The following ITPR3 variants were observed in gnomAD, a reference collection of about 807,000 sequenced individuals.
ITPR3 encodes the protein inositol 1,4,5-trisphosphate receptor type 3.
A neutral mutation model predicts 293.2 loss-of-function variants in ITPR3; 173 were observed. The ratio of observed to expected loss-of-function variants is 0.59; its 90% CI spans 0.52 to 0.67. The LOEUF (loss-of-function observed/expected upper bound fraction) is 0.67, where lower values mean the gene tolerates loss of function less well. Ranked by LOEUF, ITPR3 falls within the 30% of genes least tolerant of loss-of-function variation. The pLI, the probability that ITPR3 is intolerant of heterozygous loss-of-function variation, is 0.00. For synonymous variants in ITPR3, 1,295 were observed against 1,444.4 expected (o/e 0.90, Z 2.35); for missense variants, 2,796 against 3,592.1 (o/e 0.78, Z 5.66).
At position 33,688,323 on chromosome 6, in the gene ITPR3, C is replaced by CG; in HGVS notation, c.6462dup (p.Leu2155AlafsTer6). 6.2e-7 allele frequency: 1 copy of CG among 1,614,132 alleles called. No individual in the cohort carries two copies. The highest frequency in any genetic ancestry group is 8.5e-7 in the Non-Finnish European group (1 of 1,180,006). ...GTTCCTGACGGAGGAAACCAAGCAC[C>CG]GGCTCTTCACCACTACTGAGCAGGA... On this transcript the variant is annotated frameshift_variant, in exon 48 of 58. Transcript: ENST00000605930. LOFTEE classifies it high-confidence loss of function.
intron 56 of ITPR3, chr6:33,694,711 G>GTC (rs1218089726): frequency 1.7e-6 from 1 of 589,758 alleles, no homozygotes; most frequent in East Asian, 3.0e-5. Flanking sequence ...AAGTCAGCCT[G>GTC]TCTCGGTGGC....
chr6:33,694,557 G>A lies in ITPR3; in HGVS notation c.7786-367G>A, dbSNP rs564641234. 2.0e-3 allele frequency: 538 copies of A among 263,404 alleles called. 6 individuals are homozygous for A. The highest frequency in any genetic ancestry group is 0.011 in the African/African-American group (456 of 43,024). 16.3% of individuals were successfully genotyped at this position (263,404 alleles called of 1,614,324 possible). On this transcript the variant is annotated intron_variant, in intron 56 of 57. Transcript: ENST00000605930. ...CGTGGGGCGTGCTTGTCAGGCAGGCGGGCGGGAGGAAGGAAGGAAGGAGAT... is the reference window on the plus strand; with the variant it reads ...CGTGGGGCGTGCTTGTCAGGCAGGCAGGCGGGAGGAAGGAAGGAAGGAGAT...
rs1765270358 is a variant in ITPR3 at position 33,687,609 on chromosome 6, C to A, written c.6264+45C>A. On this transcript the variant is annotated intron_variant, in intron 46 of 57. Coordinates refer to ENST00000605930, the MANE Select transcript of ITPR3 (RefSeq NM_002224.4). This position sits in a 1 kb window ranked among gnomAD's most constrained non-coding sequence, Gnocchi z 5.3. ...CTGGGGTGGGGGTGGGGCCTGGAAC[C>A]CAGGGAGGACACTTGACCCAAGGGC... The A allele has an allele frequency of 6.8e-7, 1 of 1,464,478 alleles. No individual in the cohort carries two copies. Among genetic ancestry groups the A allele is most frequent in the African/African-American group, 1.4e-5 (1 of 72,624 alleles). The allele number at this position is 1,464,478 out of a possible 1,614,324, so 90.7% of individuals were successfully genotyped here.
At chr6:33,627,929 G>T (rs1490065667) in intron 1 of ITPR3, among the ~76,000 whole-genome samples, 1 of 152,232 alleles carries the variant, frequency 6.6e-6, no homozygotes, top group Non-Finnish European at 1.5e-5. Flanking sequence ...TCCACCTTGA[G>T]ACTCCAGGGT....
In ITPR3 at chr6:33,684,052, GC is replaced by G; in HGVS notation, c.4825del (p.Leu1609TrpfsTer39). 6.2e-7 allele frequency: 1 copy of G among 1,611,126 alleles called. No homozygotes were observed. On this transcript the variant is annotated frameshift_variant, in exon 36 of 58. Transcript: ENST00000605930. LOFTEE classifies it high-confidence loss of function. The surrounding 1 kb of genome is among the most constrained non-coding windows in gnomAD (Gnocchi z 4.2). Reference sequence around the variant, plus strand: ...TCACAGCCCTGGAGGAGCGGCTGAAGCCCCTGGTACAGGCTGAGCTGTCCGT... The same window carrying G: ...TCACAGCCCTGGAGGAGCGGCTGAAGCCCTGGTACAGGCTGAGCTGTCCGT... ...IITALEERLK[P>X]LVQAELSVLV... is the part of the protein sequence containing the mutation.
In ITPR3 at chr6:33,670,898, G is replaced by T. The variant is rs1432897301; in HGVS notation, c.2586+83G>T. 1 of 1,525,848 alleles carries T rather than the reference G, an allele frequency of 6.6e-7. No homozygotes were observed. The highest frequency in any genetic ancestry group is 1.4e-5 in the African/African-American group (1 of 73,144). 94.5% of individuals were successfully genotyped at this position (1,525,848 alleles called of 1,614,324 possible). A position where few individuals can be genotyped will look rare whatever the true frequency, so the allele number is the denominator to read the frequency against. ...TGGCCTCGGTCTTCACCCAGGAGTC[G>T]GCTGTGGGATCCATGACCCCACTTC... On this transcript the variant is annotated intron_variant, in intron 20 of 57. Coordinates refer to ENST00000605930, the MANE Select transcript of ITPR3 (RefSeq NM_002224.4). The surrounding 1 kb of genome is among the most constrained non-coding windows in gnomAD (Gnocchi z 6.7).
At position 33,633,957 on chromosome 6, in the gene ITPR3, G is replaced by A. The variant is rs903178253; in HGVS notation, c.90-6527G>A. On this transcript the variant is annotated intron_variant, in intron 1 of 57. Coordinates refer to ENST00000605930, the MANE Select transcript of ITPR3 (RefSeq NM_002224.4). This position sits in a 1 kb window ranked among gnomAD's most constrained non-coding sequence, Gnocchi z 5.2. Reference sequence around the variant, plus strand: ...GATGGGGAGGTCGCGGCCTCGCCCGGTGAGGCTCCCTCTCCATGCAAACTT... The same window carrying A: ...GATGGGGAGGTCGCGGCCTCGCCCGATGAGGCTCCCTCTCCATGCAAACTT... Among the ~76,000 whole-genome samples, 1 of 152,034 alleles carries A rather than the reference G, an allele frequency of 6.6e-6. No homozygotes were observed. The highest frequency in any genetic ancestry group is 2.4e-5 in the African/African-American group (1 of 41,446).
chr6:33,684,277 TC>T lies in ITPR3; in HGVS notation c.4938-78del, dbSNP rs539269331. 597 of 1,594,546 alleles carry T rather than the reference TC, an allele frequency of 3.7e-4. 2 individuals carry two copies. Among genetic ancestry groups the T allele is most frequent in the Middle Eastern group, 2.4e-3 (13 of 5,496 alleles). ...ACTGGGTCAGAGGGCCTGGGGGTGT[TC>T]CTGCCTGGGATGGGGTGGGGAAGTA... On this transcript the variant is annotated intron_variant, in intron 36 of 57. Transcript: ENST00000605930. The surrounding 1 kb of genome is among the most constrained non-coding windows in gnomAD (Gnocchi z 4.2).
At chr6:33,677,209 T>C in intron 27 of ITPR3, 120 bp downstream of exon 27, 1 of 940,352 alleles carries the variant, frequency 1.1e-6, no homozygotes, top group Non-Finnish European at 1.7e-6. Flanking sequence ...AAGAGACATC[T>C]TTCAGCCTTT....
chr6:33,640,459 C>T, intron 1 of ITPR3, 25 bp from the exon 2 acceptor site: 5 of 1,609,358 alleles, frequency 3.1e-6, no homozygotes, highest in Non-Finnish European at 4.2e-6. Flanking sequence ...TTCTCTCCTG[C>T]TGACCGAGCT....
At chr6:33,623,758 C>T (rs763527253) in intron 1 of ITPR3, among the ~76,000 whole-genome samples, 1 of 152,232 alleles carries the variant, frequency 6.6e-6, no homozygotes, top group Non-Finnish European at 1.5e-5. Flanking sequence ...GCCCCAGGAA[C>T]TGCTTCCTCC....
Position 33,687,001 on chromosome 6 carries a change from C to T in ITPR3, c.5980-8C>T. The T allele has an allele frequency of 6.2e-7, 1 of 1,611,910 alleles. No homozygotes were observed. Among genetic ancestry groups the T allele is most frequent in the African/African-American group, 1.3e-5 (1 of 74,950 alleles). ...CTGTGGCCTGCCTCCCTCTGCCCCT[C>T]CACCCAGGACAATGCCTCCAAGCTG... On this transcript the variant is annotated splice_polypyrimidine_tract_variant and splice_region_variant and intron_variant, in intron 43 of 57. Coordinates refer to ENST00000605930, the MANE Select transcript of ITPR3 (RefSeq NM_002224.4). This position sits in a 1 kb window ranked among gnomAD's most constrained non-coding sequence, Gnocchi z 5.3.
At chr6:33,695,374 G>A in intron 57 of ITPR3, 1 of 560,482 alleles carries the variant, frequency 1.8e-6, no homozygotes, top group Non-Finnish European at 3.2e-6. Context: ...GGTCCTTTGA[G>A]GGGATCCCCA....
intron 57 of ITPR3, 47 bp from the exon 58 acceptor site, chr6:33,695,665 G>A: frequency 6.3e-7 from 1 of 1,584,948 alleles, no homozygotes; most frequent in Non-Finnish European, 8.7e-7. Context: ...ATGGAGGGAA[G>A]GTGCCAGGCG....
chr6:33,692,899 G>A lies in ITPR3; in HGVS notation c.7624+6G>A. On this transcript the variant is annotated splice_donor_region_variant and intron_variant, in intron 55 of 57. Transcript: ENST00000605930. The surrounding 1 kb of genome is among the most constrained non-coding windows in gnomAD (Gnocchi z 4.2). ...GACGACATGCTTCATCTGTGGTGAG[G>A]GCTGCTTCCTGCTCTGTGGAGGCCG... 1 of 1,613,868 alleles carries A rather than the reference G, an allele frequency of 6.2e-7. No homozygotes were observed. Among genetic ancestry groups the A allele is most frequent in the South Asian group, 1.1e-5 (1 of 91,046 alleles).
Position 33,640,574 on chromosome 6 carries a change from T to G in ITPR3, c.160+20T>G, listed in dbSNP as rs764893606. 1.3e-6 allele frequency: 2 copies of G among 1,591,560 alleles called. No individual in the cohort carries two copies. Among genetic ancestry groups the G allele is most frequent in the Admixed American group, 3.5e-5 (2 of 56,898 alleles). On this transcript the variant is annotated intron_variant, in intron 2 of 57. Transcript: ENST00000605930. ...TCCGTGGTAAGACCTCCGCTTCCTC[T>G]GCCCCCGCCCCTCCCAGGCTGCAGG...
chr6:33,676,531 G>A (rs951689009), intron 25 of ITPR3, among the ~76,000 whole-genome samples: 3 of 152,266 alleles, frequency 2.0e-5, no homozygotes, highest in Non-Finnish European at 1.5e-5. Flanking sequence ...ACTGAAGCCA[G>A]GTTATGTGGC....
At chr6:33,677,165 T>C in intron 27 of ITPR3, 76 bp downstream of exon 27, 4 of 1,337,510 alleles carry the variant, frequency 3.0e-6, no homozygotes, top group Non-Finnish European at 4.3e-6. Context: ...CCCGGCCCCC[T>C]GTGCCTCTCC....
Position 33,691,099 on chromosome 6 carries a change from C to T in ITPR3, c.7215C>T (p.Asn2405=). Residue 2405 remains asparagine, a synonymous_variant, in exon 52 of 58, where the codon AAC becomes AAT. Coordinates refer to ENST00000605930, the MANE Select transcript of ITPR3 (RefSeq NM_002224.4). This position sits in a 1 kb window ranked among gnomAD's most constrained non-coding sequence, Gnocchi z 4.9. Reference sequence around the variant, plus strand: ...TCGAGGTCGACCGGCTGCCCAACAACCACTCCACAGGTCTTGGAGGCTTCC... The same window carrying T: ...TCGAGGTCGACCGGCTGCCCAACAATCACTCCACAGGTCTTGGAGGCTTCC... ...FILEVDRLPN[N]HSTASPLGMP... is the part of the protein sequence containing the mutation. The T allele has an allele frequency of 6.2e-7, 1 of 1,614,154 alleles. No homozygotes were observed. The highest frequency in any genetic ancestry group is 8.5e-7 in the Non-Finnish European group (1 of 1,179,998).
Sources: gnomAD v4.1 joint callset for allele counts (sites outside exome capture counted in the v4.1 genomes callset) on GRCh38, gnomAD v4.1.1 for gene constraint, Gnocchi (gnomAD v3.1) non-coding constraint, MANE v1.5 for transcripts, NCBI Gene and HGNC (gene_info 2026-07-23, HGNC 2026-07-21) for gene names.